TBC1D26: variants seen among roughly 807,000 people sequenced by gnomAD.
The protein encoded by TBC1D26 is TBC1 domain family, member 26.
TBC1D26 carries 19 observed loss-of-function variants against 42.5 expected under a neutral mutation model. The ratio of observed to expected loss-of-function variants is 0.45; its 90% confidence interval spans 0.31 to 0.66. TBC1D26 has a LOEUF of 0.66. TBC1D26 is among the 30% of genes least tolerant of loss of function. The pLI, the probability that TBC1D26 is intolerant of heterozygous loss-of-function variation, is 0.06. For synonymous variants in TBC1D26, 97 were observed against 123.5 expected (o/e 0.79, Z 1.42); for missense variants, 228 against 332.6 (o/e 0.69, Z 2.45).
At chr17:15,739,092 G>C (rs1481066365) in intron 8 of TBC1D26, among the ~76,000 whole-genome samples, 1 of 148,130 alleles carries the variant, frequency 6.8e-6, no homozygotes, top group Non-Finnish European at 1.5e-5. Flanking sequence ...TGCAGATGGT[G>C]AAAAGTGCTC....
chr17:15,740,926 T>C (rs1276266066), intron 9 of TBC1D26, 196 bp from the exon 10 acceptor site: 1 of 713,016 alleles, frequency 1.4e-6, no homozygotes, highest in African/African-American at 1.8e-5. Context: ...ATGCTCCTTG[T>C]CAACTGAGTT....
At position 15,741,107 on chromosome 17, in the gene TBC1D26, C is replaced by T. The variant is rs746950535; in HGVS notation, c.547-15C>T. 38 of 1,607,754 alleles carry T rather than the reference C, an allele frequency of 2.4e-5. No individual in the cohort carries two copies. The highest frequency in any genetic ancestry group is 3.1e-5 in the Non-Finnish European group (36 of 1,179,834). ...CCTAGGTGACATCTTTCCACGGTGA[C>T]TCTGGCTCTTGCAGGAGGTGGGCTA... On this transcript the variant is annotated splice_polypyrimidine_tract_variant and intron_variant, in intron 9 of 14. Transcript: ENST00000437605.
intron 9 of TBC1D26, chr17:15,740,453 G>A: frequency 7.4e-7 from 1 of 1,350,584 alleles, no homozygotes; most frequent in Non-Finnish European, 9.5e-7. Flanking sequence ...ACAAGTTGCT[G>A]AGGTGCCTGA....
At chr17:15,732,719 G>C (rs2151495753) in intron 1 of TBC1D26, among the ~76,000 whole-genome samples, 1 of 152,326 alleles carries the variant, frequency 6.6e-6, no homozygotes, top group African/African-American at 2.4e-5. Context: ...TGATGGGGCA[G>C]AGTCTGGCCC....
chr17:15,740,774 G>GA, intron 9 of TBC1D26: 1 of 953,418 alleles, frequency 1.0e-6, no homozygotes, highest in Non-Finnish European at 1.3e-6. Context: ...GCCTGCCCTC[G>GA]TGGCAGGTGC....
At chr17:15,740,072 A>C (rs776524358) in intron 8 of TBC1D26, 28 bp from the exon 9 acceptor site, 4 of 1,602,592 alleles carry the variant, frequency 2.5e-6, no homozygotes, top group Non-Finnish European at 3.4e-6. Flanking sequence ...ACACACAAAA[A>C]AAAAACCCTC....
At chr17:15,741,061 C>T in intron 9 of TBC1D26, 61 bp from the exon 10 acceptor site, 2 of 1,596,298 alleles carry the variant, frequency 1.3e-6, no homozygotes, top group Non-Finnish European at 1.7e-6. Flanking sequence ...GACATAAGTC[C>T]TCCCAGGTGG....
intron 4 of TBC1D26, among the ~76,000 whole-genome samples, chr17:15,737,234 C>T (rs1470953113): frequency 6.6e-6 from 1 of 152,202 alleles, no homozygotes; most frequent in African/African-American, 2.4e-5. Flanking sequence ...ATTGTGCAGC[C>T]CAAGGCACCC....
chr17:15,739,684 C>G (rs1419676965), intron 8 of TBC1D26, among the ~76,000 whole-genome samples: 1 of 152,282 alleles, frequency 6.6e-6, no homozygotes, highest in Non-Finnish European at 1.5e-5. Context: ...CTGACAGAGC[C>G]GGGAGACGTT....
At chr17:15,736,804 C>T (rs1263973553) in intron 4 of TBC1D26, among the ~76,000 whole-genome samples, 1 of 152,250 alleles carries the variant, frequency 6.6e-6, no homozygotes, top group Admixed American at 6.5e-5. Flanking sequence ...GTGGCCAAGG[C>T]GTGGGTGTGG....
intron 9 of TBC1D26, 191 bp downstream of exon 9, chr17:15,740,339 C>A: frequency 6.5e-7 from 1 of 1,530,932 alleles, no homozygotes; most frequent in South Asian, 1.3e-5. Context: ...GACCCAATCA[C>A]CACGTCTCAG....
At chr17:15,742,380 A>T (rs1967812605) in intron 11 of TBC1D26, 34 bp from the exon 12 acceptor site, 2 of 385,254 alleles carry the variant, frequency 5.2e-6, no homozygotes, top group Non-Finnish European at 9.6e-6. Context: ...AGGGCAGCCC[A>T]GGGGGCCCTG....
intron 6 of TBC1D26, 97 bp from the exon 7 acceptor site, chr17:15,738,183 A>C: frequency 6.2e-7 from 1 of 1,606,300 alleles, no homozygotes; most frequent in South Asian, 1.1e-5. Context: ...GGTGGGTGGT[A>C]CCCCATCCTT....
At chr17:15,741,588 TG>T (rs74516175) in intron 10 of TBC1D26, 95,914 of 457,120 alleles carry the variant, frequency 0.21, 10,975 homozygotes, top group East Asian at 0.34. Flanking sequence ...TCCCTACAGA[TG>T]GGCCAACAAA....
chr17:15,735,390 G>A lies in TBC1D26; in HGVS notation c.42G>A (p.Gly14=), dbSNP rs753929084. 29 of 1,613,764 alleles carry A rather than the reference G, an allele frequency of 1.8e-5. No individual in the cohort carries two copies. Among genetic ancestry groups the A allele is most frequent in the African/African-American group, 4.0e-5 (3 of 74,974 alleles). Residue 14 remains glycine, a synonymous_variant, in exon 3 of 15, where the codon GGG becomes GGA. Transcript: ENST00000437605. ...DGDPYNLPAQ[G]QGNIIITKYE... ...ACCCGTATAACCTGCCTGCCCAGGG[G>A]CAAGGCAATATCATCATTACTAAGT...
intron 8 of TBC1D26, 89 bp from the exon 9 acceptor site, chr17:15,740,011 T>C: frequency 6.6e-7 from 1 of 1,513,640 alleles, no homozygotes; most frequent in South Asian, 1.3e-5. Context: ...AACCCAGAAT[T>C]GTGTTCGTTA....
intron 10 of TBC1D26, 62 bp from the exon 11 acceptor site, chr17:15,741,880 A>G: frequency 6.4e-7 from 1 of 1,560,918 alleles, no homozygotes; most frequent in Non-Finnish European, 8.8e-7. Context: ...CAGCTCTTCC[A>G]GCTGATGCCT....
At position 15,737,619 on chromosome 17, in the gene TBC1D26, G is replaced by A. The variant is rs1296471606; in HGVS notation, c.198+96G>A. On this transcript the variant is annotated intron_variant, in intron 5 of 14. Coordinates refer to ENST00000437605, the MANE Select transcript of TBC1D26 (RefSeq NM_001388465.1). Reference sequence around the variant, plus strand: ...GGGGTGGCCTGTGGGCCTGTGTGGTGGTGAGTGGGCCACGGCTGTCACTGG... The same window carrying A: ...GGGGTGGCCTGTGGGCCTGTGTGGTAGTGAGTGGGCCACGGCTGTCACTGG... 2.8e-6 allele frequency: 4 copies of A among 1,430,658 alleles called. No homozygotes were observed. The Admixed American group carries it at 6.0e-5, about 22-fold the overall frequency. 88.6% of individuals were successfully genotyped at this position (1,430,658 alleles called of 1,614,324 possible). A position where few individuals can be genotyped will look rare whatever the true frequency, so the allele number is the denominator to read the frequency against.
At chr17:15,737,598 T>TGGCCTGTG in intron 5 of TBC1D26, 75 bp downstream of exon 5, 1 of 1,579,562 alleles carries the variant, frequency 6.3e-7, no homozygotes, top group South Asian at 1.1e-5. Flanking sequence ...GCAGAGGGGG[T>TGGCCTGTG]GGCCTGTGGG....
Sources: gnomAD v4.1 joint callset for allele counts (sites outside exome capture counted in the v4.1 genomes callset) on GRCh38, gnomAD v4.1.1 for gene constraint, MANE v1.5 for transcripts, NCBI Gene and HGNC (gene_info 2026-07-23, HGNC 2026-07-21) for gene names.